TNS3: variants seen among roughly 807,000 people sequenced by gnomAD.
TNS3 encodes the protein tensin-3.
In TNS3, 45 loss-of-function variants were observed where a neutral mutation model predicts 140.9. That is an observed-to-expected ratio of 0.32 (90% CI 0.25 to 0.41). The LOEUF is 0.41. TNS3 is among the 10% of genes least tolerant of loss of function. The pLI is 1.00. For synonymous variants in TNS3, 815 were observed against 788.4 expected, an observed-to-expected ratio of 1.03 and a Z score of -0.56; for missense variants, 1,716 against 1,906.7, an observed-to-expected ratio of 0.90 and a Z score of 1.86.
intron 2 of TNS3, among the ~76,000 whole-genome samples, chr7:47,524,557 C>T (rs1395553161): frequency 6.6e-6 from 1 of 151,294 alleles, no homozygotes; most frequent in African/African-American, 2.4e-5. Flanking sequence ...AATCCCAGCA[C>T]TTTGGGAGGC....
rs532693403 is a variant in TNS3, at chr7:47,368,902, T to C, written c.1744A>G (p.Ser582Gly). 4.3e-6 allele frequency: 7 copies of C among 1,613,614 alleles called. No homozygotes were observed. The highest frequency in any genetic ancestry group is 1.7e-5 in the Admixed American group (1 of 60,010). ...ACCCAGGTCTGTGTGGAGTAGCTGC[T>C]CTGCCCATAGGCCTGCATCTGGGCG... ...VSAQMQAYGQ[S>G]SYSTQTWVRQ... The change falls in exon 17 of 31, where the codon AGC (serine) becomes GGC (glycine). Residue 582 changes from serine to glycine, a missense_variant. Ser to Gly is a moderately conservative substitution (Grantham distance 56). This residue lies in a region of TNS3 where 1,163 missense variants were observed against 1,182.1 expected (regional missense o/e 0.98). Coordinates refer to ENST00000311160, the MANE Select transcript of TNS3 (RefSeq NM_022748.12).
chr7:47,451,266 CAG>C (rs1796001055), intron 4 of TNS3, among the ~76,000 whole-genome samples: 2 of 152,118 alleles, frequency 1.3e-5, no homozygotes, highest in Non-Finnish European at 2.9e-5. Flanking sequence ...TGAAAACTAG[CAG>C]TGTAAACAGC....
intron 20 of TNS3, among the ~76,000 whole-genome samples, chr7:47,340,604 CAG>C (rs1300662644): frequency 4.7e-5 from 2 of 42,164 alleles, no homozygotes; most frequent in African/African-American, 1.2e-4. Context: ...TTTTTTGAGA[CAG>C]AGTCTCACAC....
At chr7:47,562,772 G>A (rs1800343195) in intron 1 of TNS3, among the ~76,000 whole-genome samples, 1 of 152,208 alleles carries the variant, frequency 6.6e-6, no homozygotes, top group Admixed American at 6.5e-5. Context: ...TGGTATGGCA[G>A]TGGAATTCTT....
chr7:47,400,528 C>A, intron 14 of TNS3, 70 bp from the exon 15 acceptor site: 1 of 1,511,208 alleles, frequency 6.6e-7, no homozygotes, highest in South Asian at 1.1e-5. Flanking sequence ...CTGACTTTGT[C>A]CTTTATTCCA....
At chr7:47,308,371 A>G (rs1372095366) in intron 20 of TNS3, among the ~76,000 whole-genome samples, 3 of 152,184 alleles carry the variant, frequency 2.0e-5, no homozygotes, top group African/African-American at 7.2e-5. Flanking sequence ...TGAACACATT[A>G]AACATAGTAA....
chr7:47,466,388 C>A (rs1292978770), intron 4 of TNS3, among the ~76,000 whole-genome samples: 1 of 152,126 alleles, frequency 6.6e-6, no homozygotes, highest in African/African-American at 2.4e-5. Flanking sequence ...TCAGATGATC[C>A]GCCTGCCTTG....
chr7:47,495,161 A>G (rs1334930541), intron 3 of TNS3, among the ~76,000 whole-genome samples: 1 of 141,118 alleles, frequency 7.1e-6, no homozygotes, highest in African/African-American at 2.6e-5. Flanking sequence ...ACTGCACCCC[A>G]GCCTGGGCGA....
At chr7:47,569,957 T>A (rs1292721811) in intron 1 of TNS3, among the ~76,000 whole-genome samples, 3 of 152,124 alleles carry the variant, frequency 2.0e-5, no homozygotes, top group Admixed American at 6.5e-5. Flanking sequence ...CAGACCAGCC[T>A]GGCCAACATG....
Position 47,292,769 on chromosome 7 carries a change from C to T in TNS3, c.3850+59G>A, listed in dbSNP as rs368671522. ...GTGGATCTTCATGGATCTCTAAAAC[C>T]GGTGGCCTTGACTGCAGACAATCTA... On this transcript the variant is annotated intron_variant, in intron 26 of 30. Coordinates refer to ENST00000311160, the MANE Select transcript of TNS3 (RefSeq NM_022748.12). 1.5e-5 allele frequency: 21 copies of T among 1,441,462 alleles called. 1 individual carries two copies. The highest frequency in any genetic ancestry group is 2.5e-5 in the South Asian group (2 of 81,292). The allele number at this position is 1,441,462 out of a possible 1,614,324, so 89.3% of individuals were successfully genotyped here.
intron 18 of TNS3, 24 bp downstream of exon 18, chr7:47,346,163 C>T: frequency 6.2e-7 from 1 of 1,609,878 alleles, no homozygotes; most frequent in Non-Finnish European, 8.5e-7. Flanking sequence ...GGCCCAGAAA[C>T]TGGGACCTGG....
Position 47,566,564 on chromosome 7 carries a change from T to G in TNS3, c.-265+15487A>C, listed in dbSNP as rs547843811. ...GTGCAAGACAATAGTGTTTCTAAAG[T>G]GCTTAAAAACAGTTAAGAACTACCA... On this transcript the variant is annotated intron_variant, in intron 1 of 30. Transcript: ENST00000311160. Among the ~76,000 whole-genome samples, 3 of 152,300 alleles carry G rather than the reference T, an allele frequency of 2.0e-5. No individual in the cohort carries two copies. In the East Asian group the frequency reaches 5.8e-4, roughly 29 times the overall value.
At chr7:47,353,192 G>C (rs1415411758) in intron 17 of TNS3, among the ~76,000 whole-genome samples, 1 of 152,196 alleles carries the variant, frequency 6.6e-6, no homozygotes, top group South Asian at 2.1e-4. Flanking sequence ...AGCTGTCCCA[G>C]GTGGGGACAA....
At chr7:47,500,526 A>C (rs1798173787) in intron 3 of TNS3, among the ~76,000 whole-genome samples, 1 of 152,210 alleles carries the variant, frequency 6.6e-6, no homozygotes, top group Admixed American at 6.5e-5. Flanking sequence ...GCATATCTAA[A>C]GCACTCGGCA....
chr7:47,496,922 A>G (rs1411859334), intron 3 of TNS3, among the ~76,000 whole-genome samples: 1 of 152,222 alleles, frequency 6.6e-6, no homozygotes, highest in African/African-American at 2.4e-5. Context: ...AAGGGCAGCC[A>G]GTCAGGGGAA....
chr7:47,531,759 C>A (rs1386974623), intron 1 of TNS3, among the ~76,000 whole-genome samples: 3 of 152,196 alleles, frequency 2.0e-5, no homozygotes, highest in African/African-American at 7.2e-5. Context: ...TCCATGGAGC[C>A]GGTGGGAGCT....
chr7:47,297,359 G>T, intron 23 of TNS3, 146 bp from the exon 24 acceptor site: 1 of 963,914 alleles, frequency 1.0e-6, no homozygotes, highest in Non-Finnish European at 1.5e-6. Flanking sequence ...TGCTTGGCTG[G>T]AAGAACTACA....
At chr7:47,406,561 G>C (rs1268371579) in intron 13 of TNS3, among the ~76,000 whole-genome samples, 5 of 152,198 alleles carry the variant, frequency 3.3e-5, no homozygotes, top group Non-Finnish European at 5.9e-5. Context: ...CCTTTTGAAG[G>C]AGGAGGATTA....
In TNS3 at chr7:47,435,299, C is replaced by A. The variant is rs1484797389; in HGVS notation, c.307G>T (p.Val103Phe). The A allele has an allele frequency of 1.9e-6, 3 of 1,614,112 alleles. No homozygotes were observed. Among genetic ancestry groups the A allele is most frequent in the South Asian group, 1.1e-5 (1 of 91,076 alleles). Residue 103 changes from valine to phenylalanine, a missense_variant, in exon 8 of 31, where the codon GTC (valine) becomes TTC (phenylalanine). By Grantham distance (50) the Val-to-Phe change is conservative (BLOSUM62 -1). Transcript: ENST00000311160. Reference sequence around the variant, plus strand: ...GCACTCACCCTGCAGTGAATGACGACCACATGCTGGAGGTTGCTGTTCAGC... The same window carrying A: ...GCACTCACCCTGCAGTGAATGACGAACACATGCTGGAGGTTGCTGTTCAGC... ...SWLNSNLQHV[V>F]VIHCRGGKGR...
Sources: allele counts gnomAD v4.1 joint callset (sites outside exome capture counted in the v4.1 genomes callset), GRCh38; gene constraint gnomAD v4.1.1; regional missense constraint gnomAD v4.1.1; transcripts MANE v1.5; gene names NCBI Gene and HGNC (gene_info 2026-07-23, HGNC 2026-07-21).